ADCY2: variants seen among roughly 807,000 people sequenced by gnomAD.
The protein encoded by ADCY2 is adenylate cyclase 2, also known as adenylate cyclase type 2.
ADCY2 carries 31 observed loss-of-function variants against 125.2 expected under a neutral mutation model. That is an observed-to-expected ratio of 0.25 (90% confidence interval 0.19 to 0.33). The LOEUF is 0.33. ADCY2 is among the 10% of genes least tolerant of loss of function. The pLI, the probability that ADCY2 is intolerant of heterozygous loss-of-function variation, is 1.00. For synonymous variants in ADCY2, 512 were observed against 548.4 expected (o/e 0.93, Z 0.93); for missense variants, 904 against 1,418.2 (o/e 0.64, Z 5.82).
rs543590969 is a variant in ADCY2, at chr5:7,513,428, A to G, written c.409-7310A>G. Among the ~76,000 whole-genome samples, 7 of 152,240 alleles carry G rather than the reference A, an allele frequency of 4.6e-5. No individual in the cohort carries two copies. The South Asian group carries it at 1.2e-3, about 27-fold the overall frequency. ...TGTTTATTGTTTTGCAGATTTTGTT[A>G]TCGAAAATGTTAAAGTACATTTCCA... On this transcript the variant is annotated intron_variant, in intron 2 of 24. Transcript: ENST00000338316.
At chr5:7,685,377 C>A (rs1200540263) in intron 4 of ADCY2, 3 of 152,208 alleles carry the variant, frequency 2.0e-5, no homozygotes, top group Non-Finnish European at 4.4e-5. Context: ...ACCTATTGTC[C>A]AGATGACCAA....
At chr5:7,726,529 G>T (rs1283050675) in intron 13 of ADCY2, among the ~76,000 whole-genome samples, 1 of 152,108 alleles carries the variant, frequency 6.6e-6, no homozygotes. Flanking sequence ...GGCAGCTAAT[G>T]CTGGTCAGCT....
chr5:7,696,814 C>T (rs1740910016), intron 6 of ADCY2, among the ~76,000 whole-genome samples: 1 of 152,136 alleles, frequency 6.6e-6, no homozygotes, highest in African/African-American at 2.4e-5. Context: ...GTTCCACCGA[C>T]CATGACAACT....
intron 24 of ADCY2, among the ~76,000 whole-genome samples, chr5:7,821,692 TG>T (rs553082278): frequency 9.9e-4 from 151 of 152,344 alleles, no homozygotes; most frequent in African/African-American, 3.5e-3. Flanking sequence ...GGACTTCAGC[TG>T]GCCTGTGTGG....
chr5:7,452,724 A>G (rs1741519668), intron 2 of ADCY2, among the ~76,000 whole-genome samples: 1 of 152,202 alleles, frequency 6.6e-6, no homozygotes, highest in Non-Finnish European at 1.5e-5. Flanking sequence ...TCAGCAGTGA[A>G]TAAGTGTTCC....
intron 3 of ADCY2, among the ~76,000 whole-genome samples, chr5:7,575,128 C>T (rs1369473440): frequency 6.6e-6 from 1 of 151,630 alleles, no homozygotes; most frequent in African/African-American, 2.4e-5. Flanking sequence ...GAATTTCAGA[C>T]CAGCCTGAAA....
rs547582986 is a variant in ADCY2, at chr5:7,491,373, C to T, written c.409-29365C>T. ...TTCAAGCCATTCTCCCTGCCTCAGC[C>T]TCCTGAGCAGCTGGGATTACAGGCT... On this transcript the variant is annotated intron_variant, in intron 2 of 24. Transcript: ENST00000338316. Among the ~76,000 whole-genome samples the T allele has an allele frequency of 1.5e-3, 225 of 152,252 alleles. 1 individual carries two copies. The highest frequency in any genetic ancestry group is 3.4e-3 in the Middle Eastern group (1 of 294).
chr5:7,421,631 C>T (rs1437415891), intron 2 of ADCY2, among the ~76,000 whole-genome samples: 5 of 152,210 alleles, frequency 3.3e-5, no homozygotes, highest in Non-Finnish European at 7.3e-5. Flanking sequence ...CAGTTCAACT[C>T]CTAACTGACA....
At chr5:7,596,977 A>G (rs777356273) in intron 3 of ADCY2, among the ~76,000 whole-genome samples, 2 of 152,250 alleles carry the variant, frequency 1.3e-5, no homozygotes, top group Non-Finnish European at 2.9e-5. Context: ...AAGGGAGTCC[A>G]GGAAAACTAG....
intron 3 of ADCY2, among the ~76,000 whole-genome samples, chr5:7,590,325 T>C (rs1561113214): frequency 6.6e-6 from 1 of 152,232 alleles, no homozygotes; most frequent in East Asian, 1.9e-4. Context: ...CAGATAATGA[T>C]AGAAGCTTTT....
At chr5:7,557,201 AACTCAAGTGAGTG>A (rs1735553705) in intron 3 of ADCY2, among the ~76,000 whole-genome samples, 2 of 140,048 alleles carry the variant, frequency 1.4e-5, no homozygotes, top group African/African-American at 5.3e-5. Context: ...TGATATATAT[AACTCAAGTGAGTG>A]TATCTAAATG....
intron 2 of ADCY2, among the ~76,000 whole-genome samples, chr5:7,439,369 A>G (rs1448403749): frequency 6.6e-6 from 1 of 152,032 alleles, no homozygotes; most frequent in East Asian, 1.9e-4. Context: ...CATTTATAAA[A>G]CCGTCAGCTC....
At chr5:7,574,608 G>A (rs1736184887) in intron 3 of ADCY2, among the ~76,000 whole-genome samples, 1 of 152,182 alleles carries the variant, frequency 6.6e-6, no homozygotes, top group African/African-American at 2.4e-5. Flanking sequence ...AAGTGGCAAA[G>A]CGTTCAAATC....
chr5:7,575,339 C>G (rs1308370841), intron 3 of ADCY2, among the ~76,000 whole-genome samples: 2 of 151,536 alleles, frequency 1.3e-5, no homozygotes, highest in East Asian at 3.9e-4. Context: ...ATGAAAAAAA[C>G]ACAAAACTGT....
At chr5:7,763,208 T>A (rs1201911742) in intron 16 of ADCY2, among the ~76,000 whole-genome samples, 4 of 151,946 alleles carry the variant, frequency 2.6e-5, no homozygotes, top group Admixed American at 6.5e-5. Context: ...ATTCTGCCTC[T>A]GCGTCCCGCG....
intron 2 of ADCY2, among the ~76,000 whole-genome samples, chr5:7,468,328 T>A (rs1742205055): frequency 6.6e-6 from 1 of 152,130 alleles, no homozygotes; most frequent in Non-Finnish European, 1.5e-5. Context: ...TTGTGAAGTG[T>A]TCTTTGAGGA....
chr5:7,503,983 C>A (rs973571168), intron 2 of ADCY2, among the ~76,000 whole-genome samples: 2 of 152,140 alleles, frequency 1.3e-5, no homozygotes, highest in Non-Finnish European at 2.9e-5. Context: ...CGGGAGTTTA[C>A]CACCGCAGAA....
At chr5:7,701,655 C>T (rs779671738) in intron 7 of ADCY2, among the ~76,000 whole-genome samples, 13 of 152,154 alleles carry the variant, frequency 8.5e-5, no homozygotes, top group Admixed American at 1.3e-4. Context: ...CTCCCAATTA[C>T]CCCTTCCCCA....
chr5:7,463,913 A>C (rs1742014279), intron 2 of ADCY2, among the ~76,000 whole-genome samples: 1 of 152,172 alleles, frequency 6.6e-6, no homozygotes, highest in Non-Finnish European at 1.5e-5. Flanking sequence ...GACTTAGGGG[A>C]CAGGTCCTAT....
Sources: gnomAD v4.1 joint callset for allele counts (sites outside exome capture counted in the v4.1 genomes callset) on GRCh38, gnomAD v4.1.1 for gene constraint, MANE v1.5 for transcripts, NCBI Gene and HGNC (gene_info 2026-07-23, HGNC 2026-07-21) for gene names.